GFM1: variants seen among roughly 807,000 people sequenced by gnomAD.
GFM1 encodes G elongation factor mitochondrial 1.
A neutral mutation model predicts 96.2 loss-of-function variants in GFM1; 62 were observed. The ratio of observed to expected loss-of-function variants is 0.64; its 90% CI spans 0.53 to 0.80. The LOEUF (loss-of-function observed/expected upper bound fraction) is 0.80, where lower values mean the gene tolerates loss of function less well. Ranked by LOEUF, GFM1 falls within the 30% of genes least tolerant of loss-of-function variation. The pLI is 0.00. For missense variants in GFM1, 852 were observed against 916.6 expected, an observed-to-expected ratio of 0.93 and a Z score of 0.91; for synonymous variants, 282 against 312.9, an observed-to-expected ratio of 0.90 and a Z score of 1.04.
Position 158,665,352 on chromosome 3 carries a change from T to G in GFM1, c.1396T>G (p.Phe466Val). ...TCTTTTAAAGAACGATCTGGAAAAA[T>G]TTTCAAAAGGTATTGGCAGGTTTAC... ...KPSNKNDLEKFSKGIGRFTRE... is the reference protein window; with the variant it reads ...KPSNKNDLEKVSKGIGRFTRE... The change falls in exon 12 of 18, where the codon TTT (phenylalanine) becomes GTT (valine). Residue 466 changes from phenylalanine to valine, a missense_variant. Coordinates refer to ENST00000486715, the MANE Select transcript of GFM1 (RefSeq NM_024996.7). 6.2e-7 allele frequency: 1 copy of G among 1,610,448 alleles called. No homozygotes were observed.
chr3:158,670,408 C>T (rs1255175218), intron 13 of GFM1, among the ~76,000 whole-genome samples: 3 of 152,154 alleles, frequency 2.0e-5, no homozygotes, highest in Non-Finnish European at 4.4e-5. Flanking sequence ...TAAATTACTT[C>T]ACTCATTTAT....
At chr3:158,666,586 C>A in intron 13 of GFM1, 200 bp downstream of exon 13, 1 of 1,454,834 alleles carries the variant, frequency 6.9e-7, no homozygotes, top group Non-Finnish European at 9.6e-7. Context: ...AGCTAGATGC[C>A]AGTGAAATTG....
intron 14 of GFM1, among the ~76,000 whole-genome samples, chr3:158,683,555 T>C (rs1309770365): frequency 6.6e-6 from 1 of 152,260 alleles, no homozygotes; most frequent in African/African-American, 2.4e-5. Flanking sequence ...ACTGACGTTT[T>C]GTAACACTAG....
chr3:158,669,486 A>G (rs1724052928), intron 13 of GFM1: 1 of 1,613,762 alleles, frequency 6.2e-7, no homozygotes, highest in African/African-American at 1.3e-5. Context: ...TCTTTGATAA[A>G]ATGTGTTGTC....
At chr3:158,670,479 T>TGAA (rs1724171797) in intron 13 of GFM1, among the ~76,000 whole-genome samples, 1 of 152,234 alleles carries the variant, frequency 6.6e-6, no homozygotes, top group African/African-American at 2.4e-5. Flanking sequence ...TCATTTGAAC[T>TGAA]GAAGTGTATA....
chr3:158,652,026 T>C, intron 5 of GFM1, 70 bp from the exon 6 acceptor site: 4 of 1,319,508 alleles, frequency 3.0e-6, no homozygotes, highest in Non-Finnish European at 4.4e-6. Context: ...CCATTAATCA[T>C]ATATTTTTCA....
chr3:158,660,551 AC>A (rs1723122488), intron 9 of GFM1: 1 of 336,002 alleles, frequency 3.0e-6, no homozygotes, highest in Non-Finnish European at 5.7e-6. Context: ...CCCCGCCAGT[AC>A]ATGCCTTTTA....
At chr3:158,657,618 GT>G (rs1722873673) in intron 8 of GFM1, 1 of 151,836 alleles carries the variant, frequency 6.6e-6, no homozygotes. Flanking sequence ...TATATATTTT[GT>G]TAATATTTAC....
At chr3:158,652,313 G>T in intron 6 of GFM1, 67 bp downstream of exon 6, 1 of 1,344,084 alleles carries the variant, frequency 7.4e-7, no homozygotes, top group Non-Finnish European at 1.1e-6. Context: ...TGTAGGGAGG[G>T]GACATGATGC....
At chr3:158,667,046 T>A in intron 13 of GFM1, 1 of 1,594,830 alleles carries the variant, frequency 6.3e-7, no homozygotes, top group Non-Finnish European at 8.5e-7. Context: ...AATGGTGTAG[T>A]CTAATTCAAT....
intron 9 of GFM1, 120 bp downstream of exon 9, chr3:158,659,179 T>G: frequency 8.6e-7 from 1 of 1,164,822 alleles, no homozygotes; most frequent in Non-Finnish European, 1.2e-6. Flanking sequence ...TCTAGTTTCT[T>G]TCTACTTAAA....
At chr3:158,650,082 T>C in intron 5 of GFM1, 3 of 1,524,204 alleles carry the variant, frequency 2.0e-6, no homozygotes, top group Middle Eastern at 1.7e-4. Context: ...GGCATTGTGA[T>C]CAGTGAACTA....
At chr3:158,656,801 T>G (rs1722802830) in intron 8 of GFM1, 1 of 152,274 alleles carries the variant, frequency 6.6e-6, no homozygotes, top group Non-Finnish European at 1.5e-5. Context: ...TGTCATTTGT[T>G]GTTCAGATTG....
At chr3:158,649,366 G>A (rs1285298678) in intron 5 of GFM1, 3 of 432,514 alleles carry the variant, frequency 6.9e-6, no homozygotes, top group Non-Finnish European at 8.5e-6. Context: ...TACTTTTTGG[G>A]TAATATACCC....
rs138693751 is a variant in GFM1, at chr3:158,677,540, G to A, written c.1602-4455G>A. ...TTTTGAAATGGAGTTTCACTCTGTC[G>A]TCCAGGCTGGAGTGCAGTGGCACGA... is the stretch of plus-strand genomic sequence containing the variant. On this transcript the variant is annotated intron_variant, in intron 13 of 17. Coordinates refer to ENST00000486715, the MANE Select transcript of GFM1 (RefSeq NM_024996.7). Among the ~76,000 whole-genome samples, 776 of 152,132 alleles carry A rather than the reference G, an allele frequency of 5.1e-3. 13 individuals carry two copies. The highest frequency in any genetic ancestry group is 0.018 in the African/African-American group (748 of 41,514).
At chr3:158,647,477 C>T (rs1214129358) in intron 4 of GFM1, among the ~76,000 whole-genome samples, 1 of 152,192 alleles carries the variant, frequency 6.6e-6, no homozygotes, top group Non-Finnish European at 1.5e-5. Context: ...TTATATATTT[C>T]ACAAAGCCTT....
At chr3:158,677,447 A>G (rs1013962197) in intron 13 of GFM1, among the ~76,000 whole-genome samples, 4 of 152,258 alleles carry the variant, frequency 2.6e-5, no homozygotes, top group African/African-American at 7.2e-5. Context: ...TGCAGCAATG[A>G]TCAGTGGTCT....
At chr3:158,656,080 T>C (rs1438127597) in intron 8 of GFM1, 1 of 348,482 alleles carries the variant, frequency 2.9e-6, no homozygotes, top group Non-Finnish European at 5.7e-6. Context: ...CGAGGTGAAG[T>C]GTTATTCTTG....
intron 16 of GFM1, among the ~76,000 whole-genome samples, chr3:158,690,935 C>G (rs531885015): frequency 6.6e-6 from 1 of 152,216 alleles, no homozygotes; most frequent in Non-Finnish European, 1.5e-5. Flanking sequence ...TTTCTGGTTG[C>G]GACTGTCAAA....
Sources: allele counts gnomAD v4.1 joint callset (sites outside exome capture counted in the v4.1 genomes callset), GRCh38; gene constraint gnomAD v4.1.1; transcripts MANE v1.5; gene names NCBI Gene and HGNC (gene_info 2026-07-23, HGNC 2026-07-21).